Variants in PCSK5 observed in about 807,000 individuals in gnomAD.
The protein encoded by PCSK5 is prohormone convertase 5.
PCSK5 carries 129 observed loss-of-function variants against 233.2 expected under a neutral mutation model. That is an observed-to-expected ratio of 0.55 (90% CI 0.48 to 0.64). PCSK5 has a LOEUF of 0.64. Ranked by LOEUF, PCSK5 falls within the 30% of genes least tolerant of loss-of-function variation. The probability of loss-of-function intolerance (pLI) is 0.00; values close to 1 mark genes in which losing one functional copy is unlikely to be tolerated. For missense variants in PCSK5, 2,076 were observed against 2,430.1 expected (o/e 0.85, Z 3.06); for synonymous variants, 825 against 879.2 (o/e 0.94, Z 1.09).
At chr9:76,297,850 G>T (rs898536692) in intron 27 of PCSK5, among the ~76,000 whole-genome samples, 64 of 152,102 alleles carry the variant, frequency 4.2e-4, no homozygotes, top group African/African-American at 1.5e-3. Flanking sequence ...GAGGAGGCAC[G>T]TCCATGGCTG....
intron 2 of PCSK5, among the ~76,000 whole-genome samples, chr9:75,945,837 C>G (rs1007107919): frequency 6.6e-6 from 1 of 152,192 alleles, no homozygotes; most frequent in Non-Finnish European, 1.5e-5. Flanking sequence ...TGGATGCCTT[C>G]TCAGCCTTCA....
intron 24 of PCSK5, among the ~76,000 whole-genome samples, chr9:76,277,251 T>G (rs1379575193): frequency 6.6e-6 from 1 of 151,996 alleles, no homozygotes; most frequent in Non-Finnish European, 1.5e-5. Flanking sequence ...ATAATCTAAT[T>G]TTTTCTTTTT....
intron 9 of PCSK5, among the ~76,000 whole-genome samples, chr9:76,113,981 G>C (rs1832326990): frequency 6.6e-6 from 1 of 152,054 alleles, no homozygotes; most frequent in African/African-American, 2.4e-5. Context: ...TGCACAGAGA[G>C]AAATACAAGC....
intron 9 of PCSK5, among the ~76,000 whole-genome samples, chr9:76,123,834 G>A (rs1241882596): frequency 6.6e-6 from 1 of 152,136 alleles, no homozygotes. Context: ...CAAGTCTAGT[G>A]TAAAATTCTC....
At chr9:76,315,126 G>A (rs528789228) in intron 30 of PCSK5, among the ~76,000 whole-genome samples, 1 of 149,054 alleles carries the variant, frequency 6.7e-6, no homozygotes. Flanking sequence ...CTAATTTTTT[G>A]TATTTTTAGT....
chr9:75,944,778 C>T (rs1824484868), intron 2 of PCSK5, among the ~76,000 whole-genome samples: 1 of 152,084 alleles, frequency 6.6e-6, no homozygotes, highest in African/African-American at 2.4e-5. Flanking sequence ...TCCGGACATC[C>T]CCAACTAGAT....
At chr9:76,079,169 T>A (rs1331074076) in intron 7 of PCSK5, among the ~76,000 whole-genome samples, 2 of 151,764 alleles carry the variant, frequency 1.3e-5, no homozygotes, top group East Asian at 1.9e-4. Flanking sequence ...GCGTGCGTGA[T>A]CTTGGCTCAC....
At chr9:76,301,004 G>A (rs2131422948) in intron 27 of PCSK5, among the ~76,000 whole-genome samples, 2 of 152,272 alleles carry the variant, frequency 1.3e-5, no homozygotes, top group African/African-American at 4.8e-5. Context: ...CATGCGCAGT[G>A]GCTCACACAT....
intron 7 of PCSK5, among the ~76,000 whole-genome samples, chr9:76,091,027 C>T (rs1831265997): frequency 3.9e-5 from 6 of 152,094 alleles, no homozygotes; most frequent in Admixed American, 3.9e-4. Context: ...GGAGGTAGAG[C>T]TCAGGCGGTA....
At chr9:76,158,921 G>C (rs1822725506) in intron 11 of PCSK5, 62 bp from the exon 12 acceptor site, 1 of 1,388,574 alleles carries the variant, frequency 7.2e-7, no homozygotes, top group East Asian at 2.3e-5. Context: ...CATGCCTCCA[G>C]GTTCACTCAC....
intron 24 of PCSK5, among the ~76,000 whole-genome samples, chr9:76,261,912 T>C (rs991558772): frequency 1.3e-5 from 2 of 152,146 alleles, no homozygotes; most frequent in African/African-American, 4.8e-5. Flanking sequence ...TGGGCTGAGA[T>C]GATGGGGTTT....
chr9:76,242,978 G>A (rs1013734019), intron 24 of PCSK5, among the ~76,000 whole-genome samples: 6 of 152,180 alleles, frequency 3.9e-5, no homozygotes, highest in Non-Finnish European at 7.3e-5. Flanking sequence ...CAGGTTCAGT[G>A]AGGATCTTAT....
chr9:75,891,038 C>A lies in PCSK5; in HGVS notation c.-144C>A. ...CTGCTCTGCTCCCTGCCGGGGCTAG[C>A]CGCCTCCTGCCGATCGCCCGGGGCT... On this transcript the variant is annotated 5_prime_UTR_variant, in exon 1 of 38. Coordinates refer to ENST00000674117, the MANE Select transcript of PCSK5 (RefSeq NM_001372043.1). The A allele has an allele frequency of 3.6e-6, 2 of 560,844 alleles. No individual in the cohort carries two copies. The highest frequency in any genetic ancestry group is 5.5e-6 in the Non-Finnish European group (2 of 363,054). The allele number at this position is 560,844 out of a possible 1,614,324, so 34.7% of individuals were successfully genotyped here.
rs1387403158 is a variant in PCSK5 at position 76,095,276 on chromosome 9, C to CTGATTGGTG, written c.895-614_895-613insTGATTGGTG. On this transcript the variant is annotated intron_variant, in intron 7 of 37. Coordinates refer to ENST00000674117, the MANE Select transcript of PCSK5 (RefSeq NM_001372043.1). Reference sequence around the variant, plus strand: ...ACAGTTAGTACTTGCTTCTGATGCTCACCAACAGTGTAATTCAGCATAGAG... The same window carrying CTGATTGGTG: ...ACAGTTAGTACTTGCTTCTGATGCTCTGATTGGTGACCAACAGTGTAATTCAGCATAGAG... Among the ~76,000 whole-genome samples the CTGATTGGTG allele has an allele frequency of 4.5e-4, 69 of 152,334 alleles. 1 individual carries two copies. The South Asian group carries it at 0.014, about 30-fold the overall frequency.
chr9:75,937,688 T>C (rs545270877), intron 2 of PCSK5, among the ~76,000 whole-genome samples: 3 of 152,364 alleles, frequency 2.0e-5, no homozygotes, highest in African/African-American at 2.4e-5. Flanking sequence ...TTCATCTACA[T>C]TGAACATCTG....
chr9:76,349,067 C>A (rs188349875), intron 35 of PCSK5, among the ~76,000 whole-genome samples: 194 of 151,538 alleles, frequency 1.3e-3, no homozygotes, highest in African/African-American at 4.4e-3. Context: ...GTGATGAGAT[C>A]GAGACCATCC....
intron 8 of PCSK5, among the ~76,000 whole-genome samples, chr9:76,102,273 A>G (rs1362587478): frequency 6.6e-6 from 1 of 152,026 alleles, no homozygotes; most frequent in Non-Finnish European, 1.5e-5. Flanking sequence ...AAGTTACTTA[A>G]CCCCTCTGAG....
chr9:76,338,652 C>T (rs1052649696), intron 35 of PCSK5, among the ~76,000 whole-genome samples: 1 of 152,172 alleles, frequency 6.6e-6, no homozygotes, highest in Non-Finnish European at 1.5e-5. Context: ...GCCCATCCCC[C>T]ATCCTTCAAG....
At chr9:75,925,308 A>G (rs1183434046) in intron 1 of PCSK5, among the ~76,000 whole-genome samples, 1 of 152,226 alleles carries the variant, frequency 6.6e-6, no homozygotes, top group Non-Finnish European at 1.5e-5. Context: ...AAAGGGCTAT[A>G]AAAGAATGAG....
Sources: allele counts gnomAD v4.1 joint callset (sites outside exome capture counted in the v4.1 genomes callset), GRCh38; gene constraint gnomAD v4.1.1; transcripts MANE v1.5; gene names NCBI Gene and HGNC (gene_info 2026-07-23, HGNC 2026-07-21).